PTPRG: variants seen among roughly 807,000 people sequenced by gnomAD.
The protein encoded by PTPRG is protein tyrosine phosphatase receptor type G, also known as receptor-type tyrosine-protein phosphatase gamma.
Under a neutral mutation model 165.3 loss-of-function variants are expected in PTPRG, and 102 were observed. That is an observed-to-expected ratio of 0.62 (90% CI 0.53 to 0.73). PTPRG has a LOEUF of 0.73. Among genes scored for constraint, PTPRG ranks in the 30% least tolerant of loss-of-function variants. The pLI, the probability that PTPRG is intolerant of heterozygous loss-of-function variation, is 0.00. For synonymous variants in PTPRG, 675 were observed against 669.5 expected, an observed-to-expected ratio of 1.01 and a Z score of -0.13; for missense variants, 1,866 against 1,861.4, an observed-to-expected ratio of 1.00 and a Z score of -0.05.
intron 4 of PTPRG, among the ~76,000 whole-genome samples, chr3:62,049,532 A>C (rs147413393): frequency 6.8e-6 from 1 of 146,040 alleles, no homozygotes; most frequent in East Asian, 2.0e-4. Context: ...TAACTTTCCA[A>C]GTGGTGGATA....
At position 62,295,690 on chromosome 3, in the gene PTPRG, GTC is replaced by G. The variant is rs1272964735; in HGVS notation, c.*2385_*2386del. On this transcript the variant is annotated 3_prime_UTR_variant, in exon 30 of 30. Transcript: ENST00000474889. ...GTGTCTTCAGCGAGCTTGAACCAAA[GTC>G]TTCATATCCTGACCCACTGAATTAT... The G allele has an allele frequency of 2.6e-5, 4 of 152,214 alleles. No homozygotes were observed. Among genetic ancestry groups the G allele is most frequent in the African/African-American group, 9.6e-5 (4 of 41,524 alleles). The allele number at this position is 152,214 out of a possible 1,614,324, so 9.4% of individuals were successfully genotyped here.
chr3:61,967,789 G>C (rs1395200480), intron 2 of PTPRG, among the ~76,000 whole-genome samples: 1 of 152,138 alleles, frequency 6.6e-6, no homozygotes, highest in Non-Finnish European at 1.5e-5. Context: ...ATTTTAAGTG[G>C]AATTTCTGGG....
chr3:62,287,634 G>T (rs1295326349), intron 28 of PTPRG, among the ~76,000 whole-genome samples: 1 of 152,032 alleles, frequency 6.6e-6, no homozygotes, highest in African/African-American at 2.4e-5. Flanking sequence ...TAAAATACAG[G>T]TTAAAGAGGA....
intron 2 of PTPRG, among the ~76,000 whole-genome samples, chr3:61,982,398 A>G (rs944206978): frequency 1.3e-5 from 2 of 152,266 alleles, no homozygotes; most frequent in East Asian, 3.9e-4. Flanking sequence ...ATTTTTAATG[A>G]ATGTTTGGAT....
At chr3:62,277,808 C>A in intron 26 of PTPRG, 129 bp downstream of exon 26, 1 of 1,133,010 alleles carries the variant, frequency 8.8e-7, no homozygotes, top group South Asian at 1.6e-5. Context: ...TTTAAATTCT[C>A]ATCTTGAAGT....
intron 2 of PTPRG, among the ~76,000 whole-genome samples, chr3:61,932,568 A>G (rs1453093119): frequency 6.6e-6 from 1 of 152,232 alleles, no homozygotes; most frequent in Non-Finnish European, 1.5e-5. Context: ...CGCTGTTTTC[A>G]TGCTTTCATT....
intron 13 of PTPRG, among the ~76,000 whole-genome samples, chr3:62,230,821 A>T (rs1180927886): frequency 6.6e-6 from 1 of 152,198 alleles, no homozygotes; most frequent in Non-Finnish European, 1.5e-5. Context: ...AGAAGGGAGG[A>T]CCAAATGATC....
At chr3:62,174,961 T>C (rs1252947619) in intron 8 of PTPRG, among the ~76,000 whole-genome samples, 1 of 152,188 alleles carries the variant, frequency 6.6e-6, no homozygotes, top group Admixed American at 6.5e-5. Flanking sequence ...CTTTGATTTG[T>C]CATTCTTTTT....
At chr3:62,029,314 A>C (rs973707977) in intron 4 of PTPRG, among the ~76,000 whole-genome samples, 45 of 152,102 alleles carry the variant, frequency 3.0e-4, no homozygotes, top group African/African-American at 1.0e-3. Flanking sequence ...CTTCATTCTC[A>C]CAAGTACATT....
At position 62,145,863 on chromosome 3, in the gene PTPRG, T is replaced by C. The variant is rs75933940; in HGVS notation, c.683-11204T>C. Among the ~76,000 whole-genome samples the C allele has an allele frequency of 6.7e-3, 1,016 of 152,380 alleles. 4 individuals are homozygous for C. The highest frequency in any genetic ancestry group is 0.011 in the Non-Finnish European group (777 of 68,038). On this transcript the variant is annotated intron_variant, in intron 6 of 29. Coordinates refer to ENST00000474889, the MANE Select transcript of PTPRG (RefSeq NM_002841.4). ...TGGAACAGTGATTTGAACCCAGTTGTATTGGACTCTGAATCACATTTCTTT... is the reference window on the plus strand; with the variant it reads ...TGGAACAGTGATTTGAACCCAGTTGCATTGGACTCTGAATCACATTTCTTT...
intron 4 of PTPRG, among the ~76,000 whole-genome samples, chr3:62,033,686 G>A (rs978798662): frequency 2.0e-5 from 3 of 151,918 alleles, no homozygotes; most frequent in African/African-American, 7.3e-5. Context: ...TTTTGGAGTG[G>A]ATGCAAATTA....
intron 2 of PTPRG, among the ~76,000 whole-genome samples, chr3:61,795,011 G>A (rs1464792968): frequency 6.6e-6 from 1 of 152,188 alleles, no homozygotes; most frequent in Non-Finnish European, 1.5e-5. Context: ...AACAGAAGCA[G>A]CAGTATCAAT....
At chr3:62,073,147 T>TA (rs1474918466) in intron 4 of PTPRG, among the ~76,000 whole-genome samples, 1 of 152,146 alleles carries the variant, frequency 6.6e-6, no homozygotes, top group African/African-American at 2.4e-5. Flanking sequence ...CATATGGATG[T>TA]AAATGAATGA....
intron 2 of PTPRG, among the ~76,000 whole-genome samples, chr3:61,967,035 T>A (rs562248603): frequency 3.3e-5 from 5 of 152,306 alleles, no homozygotes; most frequent in African/African-American, 9.6e-5. Flanking sequence ...AGATTGGTGC[T>A]CCCAGAGAAA....
chr3:61,657,344 G>A (rs527526822), intron 1 of PTPRG, among the ~76,000 whole-genome samples: 20 of 152,262 alleles, frequency 1.3e-4, no homozygotes, highest in Admixed American at 1.0e-3. Flanking sequence ...GTTTCAGGGG[G>A]AGAAGGGATG....
intron 26 of PTPRG, among the ~76,000 whole-genome samples, chr3:62,280,515 A>G (rs1386635535): frequency 1.3e-5 from 2 of 152,114 alleles, no homozygotes; most frequent in Non-Finnish European, 2.9e-5. Context: ...ATGTAAGTCA[A>G]GATACCCCAC....
At chr3:61,798,842 G>A (rs925632982) in intron 2 of PTPRG, among the ~76,000 whole-genome samples, 3 of 151,910 alleles carry the variant, frequency 2.0e-5, no homozygotes, top group African/African-American at 7.3e-5. Context: ...AGAAAAGGAA[G>A]GTCAGTGGAA....
chr3:61,780,385 T>A (rs894749393), intron 2 of PTPRG, among the ~76,000 whole-genome samples: 1 of 152,200 alleles, frequency 6.6e-6, no homozygotes, highest in African/African-American at 2.4e-5. Context: ...ATTATGAGTT[T>A]CCTGCTTGTG....
chr3:61,620,112 T>C (rs1253129824), intron 1 of PTPRG, among the ~76,000 whole-genome samples: 1 of 152,144 alleles, frequency 6.6e-6, no homozygotes, highest in Non-Finnish European at 1.5e-5. Context: ...AAGGACTTTC[T>C]TGAATGATGG....
Sources: gnomAD v4.1 joint callset for allele counts (sites outside exome capture counted in the v4.1 genomes callset) on GRCh38, gnomAD v4.1.1 for gene constraint, MANE v1.5 for transcripts, NCBI Gene and HGNC (gene_info 2026-07-23, HGNC 2026-07-21) for gene names.